GKAP1: variants seen among roughly 807,000 people sequenced by gnomAD.
GKAP1 encodes the protein G kinase-anchoring protein 1.
In GKAP1, 31 loss-of-function variants were observed where a neutral mutation model predicts 56.7. The observed-to-expected ratio is 0.55, with a 90% CI of 0.41 to 0.74. The LOEUF is 0.74. GKAP1 is among the 30% of genes least tolerant of loss of function. GKAP1 has a pLI of 0.00. For synonymous variants in GKAP1, 151 were observed against 138.6 expected, an observed-to-expected ratio of 1.09 and a Z score of -0.63; for missense variants, 364 against 402.3, an observed-to-expected ratio of 0.90 and a Z score of 0.82.
At chr9:83,743,243 A>G (rs1943237685) in intron 10 of GKAP1, among the ~76,000 whole-genome samples, 4 of 152,180 alleles carry the variant, frequency 2.6e-5, no homozygotes, top group Admixed American at 1.3e-4. Context: ...ACAAGGATAC[A>G]AGAAAACAAA....
At chr9:83,811,855 A>G (rs75447034) in intron 2 of GKAP1, among the ~76,000 whole-genome samples, 2 of 152,232 alleles carry the variant, frequency 1.3e-5, no homozygotes, top group African/African-American at 4.8e-5. Flanking sequence ...CAACTGGAAG[A>G]GTTCAATCAT....
At chr9:83,784,671 T>A (rs375921239) in intron 6 of GKAP1, 44 bp downstream of exon 6, 117 of 1,360,102 alleles carry the variant, frequency 8.6e-5, no homozygotes, top group Admixed American at 1.5e-4. Flanking sequence ...ATAAAACAGA[T>A]GTAGAATAGT....
chr9:83,769,065 A>G, intron 7 of GKAP1, 95 bp from the exon 8 acceptor site: 1 of 875,824 alleles, frequency 1.1e-6, no homozygotes, highest in Non-Finnish European at 1.8e-6. Flanking sequence ...TGCATTTAGT[A>G]CACCTAGTCA....
At chr9:83,782,660 C>A (rs987707430) in intron 6 of GKAP1, among the ~76,000 whole-genome samples, 6 of 117,440 alleles carry the variant, frequency 5.1e-5, no homozygotes, top group Non-Finnish European at 7.1e-5. Flanking sequence ...CGCGCCCAGC[C>A]TTTTTTTTTT....
At chr9:83,779,434 T>C (rs1369110045) in intron 7 of GKAP1, among the ~76,000 whole-genome samples, 3 of 87,492 alleles carry the variant, frequency 3.4e-5, no homozygotes, top group Non-Finnish European at 7.9e-5. Context: ...GCCATATATA[T>C]ATATATATAT....
intron 3 of GKAP1, among the ~76,000 whole-genome samples, chr9:83,803,639 A>G (rs1236484270): frequency 6.6e-6 from 1 of 152,144 alleles, no homozygotes; most frequent in Admixed American, 6.5e-5. Context: ...TTGGCCTCCC[A>G]AAGTGCCAAG....
intron 10 of GKAP1, among the ~76,000 whole-genome samples, chr9:83,745,379 G>A (rs1446941971): frequency 6.6e-6 from 1 of 152,086 alleles, no homozygotes; most frequent in East Asian, 1.9e-4. Flanking sequence ...AACACATGCT[G>A]CATTATTACA....
intron 8 of GKAP1, among the ~76,000 whole-genome samples, chr9:83,762,917 T>A (rs953552563): frequency 6.6e-6 from 1 of 152,196 alleles, no homozygotes; most frequent in Non-Finnish European, 1.5e-5. Flanking sequence ...AGCTACCACA[T>A]GATCCAACAA....
At chr9:83,760,150 C>T (rs772029953) in intron 8 of GKAP1, among the ~76,000 whole-genome samples, 10 of 152,060 alleles carry the variant, frequency 6.6e-5, no homozygotes, top group Admixed American at 1.3e-4. Context: ...ACAAGAAACA[C>T]ATTTCACCCA....
chr9:83,749,887 G>A (rs1397337613), intron 9 of GKAP1, among the ~76,000 whole-genome samples: 1 of 152,094 alleles, frequency 6.6e-6, no homozygotes, highest in Non-Finnish European at 1.5e-5. Context: ...AAATGAACAA[G>A]GGAGACCAGT....
chr9:83,757,536 A>G (rs1451913760), intron 8 of GKAP1, among the ~76,000 whole-genome samples: 2 of 152,190 alleles, frequency 1.3e-5, no homozygotes, highest in Non-Finnish European at 1.5e-5. Context: ...CAGTTTGAAA[A>G]GCATAGCCTA....
chr9:83,775,925 A>G (rs1022074516), intron 7 of GKAP1, among the ~76,000 whole-genome samples: 1 of 151,676 alleles, frequency 6.6e-6, no homozygotes, highest in African/African-American at 2.4e-5. Context: ...AGAAAAAGAA[A>G]TGAATCTATC....
intron 3 of GKAP1, among the ~76,000 whole-genome samples, chr9:83,802,886 C>T (rs1944354839): frequency 6.6e-6 from 1 of 151,904 alleles, no homozygotes; most frequent in South Asian, 2.1e-4. Context: ...AATCCCAGCA[C>T]TTTGGGAGGC....
At chr9:83,782,297 T>TC (rs1396251510) in intron 6 of GKAP1, among the ~76,000 whole-genome samples, 1 of 151,794 alleles carries the variant, frequency 6.6e-6, no homozygotes, top group African/African-American at 2.4e-5. Context: ...AAAGGTATGG[T>TC]CCACTGCATC....
chr9:83,790,219 T>C (rs913362606), intron 4 of GKAP1, among the ~76,000 whole-genome samples: 6 of 152,110 alleles, frequency 3.9e-5, no homozygotes, highest in Non-Finnish European at 5.9e-5. Context: ...TAAGGATATA[T>C]AGAACTAGAA....
At chr9:83,763,027 G>A (rs1467532701) in intron 8 of GKAP1, among the ~76,000 whole-genome samples, 3 of 152,126 alleles carry the variant, frequency 2.0e-5, no homozygotes, top group African/African-American at 7.2e-5. Context: ...GCCAAGATTT[G>A]GAAGCAACCT....
At chr9:83,816,246 C>CT (rs1465439410) in intron 2 of GKAP1, among the ~76,000 whole-genome samples, 4 of 151,942 alleles carry the variant, frequency 2.6e-5, no homozygotes, top group African/African-American at 9.7e-5. Context: ...TACTAAAACT[C>CT]TGCTCCAAAC....
intron 3 of GKAP1, among the ~76,000 whole-genome samples, chr9:83,803,950 G>A (rs1174557595): frequency 6.3e-5 from 9 of 143,260 alleles, no homozygotes; most frequent in Middle Eastern, 4.5e-3. Context: ...CCGCGACCCC[G>A]TCTGGGAGGT....
intron 8 of GKAP1, among the ~76,000 whole-genome samples, chr9:83,763,244 C>CA (rs1943604435): frequency 6.6e-6 from 1 of 151,994 alleles, no homozygotes; most frequent in Non-Finnish European, 1.5e-5. Flanking sequence ...AACAACTGAA[C>CA]TAATGGAGTT....
Sources: gnomAD v4.1 joint callset for allele counts (sites outside exome capture counted in the v4.1 genomes callset) on GRCh38, gnomAD v4.1.1 for gene constraint, MANE v1.5 for transcripts, NCBI Gene and HGNC (gene_info 2026-07-23, HGNC 2026-07-21) for gene names.